Variants in ADAMTSL1 observed in about 807,000 individuals in gnomAD.
ADAMTSL1 encodes the protein ADAMTS like 1, also known as ADAMTS-like protein 1.
Under a neutral mutation model 201.8 loss-of-function variants are expected in ADAMTSL1, and 126 were observed. That is an observed-to-expected ratio of 0.62 (90% CI 0.54 to 0.72). ADAMTSL1 has a LOEUF of 0.72. Among genes scored for constraint, ADAMTSL1 ranks in the 30% least tolerant of loss-of-function variants. The probability of loss-of-function intolerance (pLI) is 0.00; values close to 1 mark genes in which losing one functional copy is unlikely to be tolerated. For synonymous variants in ADAMTSL1, 1,121 were observed against 903.4 expected, an observed-to-expected ratio of 1.24 and a Z score of -4.32; for missense variants, 2,679 against 2,277.8, an observed-to-expected ratio of 1.18 and a Z score of -3.59.
At chr9:18,013,003 TC>T (rs150810491) in intron 1 of ADAMTSL1, among the ~76,000 whole-genome samples, 13,930 of 89,222 alleles carry the variant, frequency 0.16, 794 homozygotes, top group East Asian at 0.35. Context: ...ATTTTTTTTT[TC>T]TTTAGCACAT....
chr9:18,682,051 A>G lies in ADAMTSL1; in HGVS notation c.1489+92A>G, dbSNP rs1830534085. 3 of 1,335,074 alleles carry G rather than the reference A, an allele frequency of 2.2e-6. No homozygotes were observed. The South Asian group carries it at 4.8e-5, about 21-fold the overall frequency. 82.7% of individuals were successfully genotyped at this position (1,335,074 alleles called of 1,614,324 possible). A position where few individuals can be genotyped will look rare whatever the true frequency, so the allele number is the denominator to read the frequency against. On this transcript the variant is annotated intron_variant, in intron 12 of 28. Coordinates refer to ENST00000380548, the MANE Select transcript of ADAMTSL1 (RefSeq NM_001040272.6). The stretch of plus-strand genomic sequence containing the variant: ...CCTTGGAATATTTTTAAGTATCCCA[A>G]GTATTCTTAGTAAGAATTCTTTATA...
intron 4 of ADAMTSL1, among the ~76,000 whole-genome samples, chr9:18,618,175 G>C (rs2132649002): frequency 6.6e-6 from 1 of 152,268 alleles, no homozygotes; most frequent in East Asian, 1.9e-4. Context: ...TTTAGGTTTA[G>C]CCTCTTGCTG....
At chr9:18,759,733 T>C (rs1819961355) in intron 16 of ADAMTSL1, among the ~76,000 whole-genome samples, 1 of 152,236 alleles carries the variant, frequency 6.6e-6, no homozygotes, top group African/African-American at 2.4e-5. Flanking sequence ...TTTTGATGGA[T>C]GTGCAGCTGC....
intron 26 of ADAMTSL1, among the ~76,000 whole-genome samples, chr9:18,901,235 G>A (rs1488516699): frequency 6.6e-6 from 1 of 152,088 alleles, no homozygotes; most frequent in Non-Finnish European, 1.5e-5. Flanking sequence ...CAAAAATGAG[G>A]GGGAAGTTAT....
chr9:18,511,642 T>A (rs1241205944), intron 2 of ADAMTSL1, among the ~76,000 whole-genome samples: 1 of 152,114 alleles, frequency 6.6e-6, no homozygotes, highest in Non-Finnish European at 1.5e-5. Context: ...GGAAAGATCA[T>A]TCTAAAGGTC....
chr9:18,757,653 C>CAGT (rs1819851237), intron 16 of ADAMTSL1, among the ~76,000 whole-genome samples: 1 of 152,126 alleles, frequency 6.6e-6, no homozygotes, highest in African/African-American at 2.4e-5. Context: ...CCCTCTTCTG[C>CAGT]AGTGACTCTT....
chr9:18,209,159 G>GT (rs1019837401), intron 2 of ADAMTSL1, among the ~76,000 whole-genome samples: 2 of 151,906 alleles, frequency 1.3e-5, no homozygotes, highest in African/African-American at 2.4e-5. Flanking sequence ...TTATACAAGT[G>GT]TTTTTTTGTC....
chr9:18,636,443 C>G (rs1057302131), intron 6 of ADAMTSL1, among the ~76,000 whole-genome samples: 2 of 151,992 alleles, frequency 1.3e-5, no homozygotes, highest in Non-Finnish European at 2.9e-5. Context: ...TCCATCAATC[C>G]AGAGGAACAT....
intron 1 of ADAMTSL1, among the ~76,000 whole-genome samples, chr9:18,065,497 T>C (rs1353127998): frequency 2.6e-5 from 4 of 152,352 alleles, no homozygotes; most frequent in Admixed American, 2.0e-4. Context: ...GTAATTCAGT[T>C]AACTTAAAAG....
rs1222681793 is a variant in ADAMTSL1, at chr9:18,558,812, T to G, written c.238-15218T>G. 2.6e-5 allele frequency among the ~76,000 whole-genome samples: 4 copies of G among 152,218 alleles called. No individual in the cohort carries two copies. The South Asian group carries it at 6.2e-4, about 24-fold the overall frequency. On this transcript the variant is annotated intron_variant, in intron 3 of 28. Transcript: ENST00000380548. The stretch of plus-strand genomic sequence containing the variant: ...TTGTTGGCCACATAAATGTCTTCTT[T>G]TGAGAAATGTCTGTTCATATCATTT...
chr9:18,623,440 G>C (rs759297960), intron 5 of ADAMTSL1, among the ~76,000 whole-genome samples: 1 of 152,138 alleles, frequency 6.6e-6, no homozygotes, highest in Non-Finnish European at 1.5e-5. Flanking sequence ...TTTGAGCTCA[G>C]AGTCTGATTC....
chr9:18,119,379 G>A (rs919075323), intron 1 of ADAMTSL1, among the ~76,000 whole-genome samples: 5 of 151,634 alleles, frequency 3.3e-5, no homozygotes, highest in Admixed American at 6.6e-5. Context: ...TGCAAACTCC[G>A]CCTCCCAGGT....
chr9:18,097,335 T>A (rs1166270864), intron 1 of ADAMTSL1, among the ~76,000 whole-genome samples: 1 of 152,230 alleles, frequency 6.6e-6, no homozygotes, highest in Non-Finnish European at 1.5e-5. Flanking sequence ...GTTTCTGGAT[T>A]TTGGCTATTT....
At chr9:18,420,991 A>G (rs537060814) in intron 2 of ADAMTSL1, among the ~76,000 whole-genome samples, 1 of 152,264 alleles carries the variant, frequency 6.6e-6, no homozygotes, top group South Asian at 2.1e-4. Flanking sequence ...TAGGAAGCTA[A>G]GCAGAGGCTG....
intron 2 of ADAMTSL1, among the ~76,000 whole-genome samples, chr9:18,531,900 C>G (rs896091800): frequency 6.6e-6 from 1 of 152,142 alleles, no homozygotes; most frequent in African/African-American, 2.4e-5. Flanking sequence ...TACAACTTAA[C>G]AGTTGTGTCA....
At chr9:18,708,790 T>C (rs547927) in intron 14 of ADAMTSL1, among the ~76,000 whole-genome samples, 141,762 of 152,306 alleles carry the variant, frequency 0.93, 66,218 homozygotes, top group Middle Eastern at 0.99. Flanking sequence ...AAGCCTGGAA[T>C]TTTATGAACA....
At chr9:18,787,236 T>C (rs558728287) in intron 19 of ADAMTSL1, among the ~76,000 whole-genome samples, 3 of 152,270 alleles carry the variant, frequency 2.0e-5, no homozygotes, top group East Asian at 3.9e-4. Flanking sequence ...AGTGTAAGAA[T>C]AGCAAGCCAG....
intron 2 of ADAMTSL1, among the ~76,000 whole-genome samples, chr9:18,285,822 A>C (rs1438946216): frequency 6.6e-6 from 1 of 152,120 alleles, no homozygotes; most frequent in Non-Finnish European, 1.5e-5. Context: ...GTTTTCTTAC[A>C]TATAACAGCA....
At position 18,112,378 on chromosome 9, in the gene ADAMTSL1, G is replaced by A. The variant is rs1339901085; in HGVS notation, c.88-51484G>A. ...TGTGCTTCAGCTCCCATACTCCCTG[G>A]TATGATAACATTGAGGTATGTTCCA... On this transcript the variant is annotated intron_variant, in intron 1 of 29. Transcript: ENST00000680146. 2.0e-5 allele frequency among the ~76,000 whole-genome samples: 3 copies of A among 152,128 alleles called. No homozygotes were observed. The East Asian group carries it at 5.8e-4, about 29-fold the overall frequency.
Sources: gnomAD v4.1 joint callset for allele counts (sites outside exome capture counted in the v4.1 genomes callset) on GRCh38, gnomAD v4.1.1 for gene constraint, MANE v1.5 for transcripts, NCBI Gene and HGNC (gene_info 2026-07-23, HGNC 2026-07-21) for gene names.